Variants in FGF13 observed in about 807,000 individuals in gnomAD.
The protein encoded by FGF13 is fibroblast growth factor homologous factor 2.
In FGF13, 2 loss-of-function variants were observed where a neutral mutation model predicts 19.5. The ratio of observed to expected loss-of-function variants is 0.10; its 90% CI spans 0.04 to 0.32. The LOEUF (loss-of-function observed/expected upper bound fraction) is 0.32. FGF13 is among the 10% of genes least tolerant of loss of function. The pLI is 1.00. For synonymous variants in FGF13, 72 were observed against 76.9 expected, an observed-to-expected ratio of 0.94 and a Z score of 0.33; for missense variants, 113 against 192.7, an observed-to-expected ratio of 0.59 and a Z score of 2.45.
intron 3 of FGF13, among the ~76,000 whole-genome samples, chrX:138,770,293 A>T (rs2090535330): frequency 9.0e-6 from 1 of 111,326 alleles, no homozygotes; most frequent in African/African-American, 3.3e-5. Context: ...CTCTCTGTAA[A>T]GACCCTTTAT....
At chrX:138,698,972 T>C (rs2089921730) in intron 3 of FGF13, among the ~76,000 whole-genome samples, 1 of 111,742 alleles carries the variant, frequency 8.9e-6, no homozygotes, top group African/African-American at 3.3e-5. Context: ...TGGGCTGGAT[T>C]TGACCCACGG....
intron 1 of FGF13, among the ~76,000 whole-genome samples, chrX:138,878,168 C>T (rs1401221342): frequency 9.1e-6 from 1 of 110,052 alleles, no homozygotes; most frequent in Non-Finnish European, 1.9e-5. Context: ...ATTATCATTA[C>T]ACTTTAAGTT....
chrX:138,723,317 A>G (rs1460625652), intron 1 of FGF13, among the ~76,000 whole-genome samples: 1 of 112,011 alleles, frequency 8.9e-6, no homozygotes, highest in Non-Finnish European at 1.9e-5. Context: ...TTCTTTAAGA[A>G]GTGGGAATAC....
At chrX:138,689,396 C>T (rs779425023) in intron 3 of FGF13, among the ~76,000 whole-genome samples, 3 of 21,082 alleles carry the variant, frequency 1.4e-4, no homozygotes, top group Admixed American at 7.4e-4. Flanking sequence ...CCTACACTCA[C>T]GCCCCAAGTG....
chrX:138,768,755 A>ATATATATGATATATATATAT (rs1569388532), intron 3 of FGF13, among the ~76,000 whole-genome samples: 1 of 102,693 alleles, frequency 9.7e-6, no homozygotes, highest in African/African-American at 3.6e-5. Context: ...ATATATATAT[A>ATATATATGATATATATATAT]ATTTCACAAG....
At chrX:138,845,589 G>A (rs1030278469) in intron 3 of FGF13, among the ~76,000 whole-genome samples, 1 of 111,517 alleles carries the variant, frequency 9.0e-6, no homozygotes, top group Non-Finnish European at 1.9e-5. Context: ...GACTGGGAAG[G>A]GAGAGAGACC....
chrX:139,070,575 C>T (rs900417781), intron 1 of FGF13, among the ~76,000 whole-genome samples: 1 of 111,925 alleles, frequency 8.9e-6, no homozygotes, highest in Non-Finnish European at 1.9e-5. Context: ...TGTGGAGATT[C>T]CTCAAGGATC....
At chrX:139,022,663 C>T (rs1387647069) in intron 1 of FGF13, among the ~76,000 whole-genome samples, 1 of 110,905 alleles carries the variant, frequency 9.0e-6, no homozygotes, top group African/African-American at 3.3e-5. Context: ...CTAAGATGTA[C>T]CCACCAAGGA....
At chrX:139,072,796 T>C (rs999761082) in intron 1 of FGF13, among the ~76,000 whole-genome samples, 3 of 112,070 alleles carry the variant, frequency 2.7e-5, no homozygotes, top group African/African-American at 9.7e-5. Context: ...TGTTATCTAT[T>C]TGAATATTGA....
intron 1 of FGF13, among the ~76,000 whole-genome samples, chrX:139,198,604 T>C (rs1238856497): frequency 8.9e-6 from 1 of 112,426 alleles, no homozygotes; most frequent in East Asian, 2.8e-4. Context: ...TTTACAGTAA[T>C]CACAATAAAC....
chrX:138,721,272 T>C lies in FGF13; in HGVS notation c.29-12344A>G, dbSNP rs977362605. On this transcript the variant is annotated intron_variant, in intron 1 of 4. Coordinates refer to the FGF13 transcript ENST00000305414. The stretch of plus-strand genomic sequence containing the variant: ...CTTTAAGGTAACAAATTAAAGATTG[T>C]GTGAAAAGACTGTCCAAGCCAGGTA... Among the ~76,000 whole-genome samples the C allele has an allele frequency of 3.6e-5, 4 of 111,962 alleles. No homozygotes were observed. The Admixed American group carries it at 3.8e-4, about 11-fold the overall frequency.
At chrX:138,952,194 C>A (rs1036643372) in intron 1 of FGF13, among the ~76,000 whole-genome samples, 1 of 111,396 alleles carries the variant, frequency 9.0e-6, no homozygotes, top group Non-Finnish European at 1.9e-5. Context: ...AGGGCTACAG[C>A]AACCAAAACA....
intron 1 of FGF13, among the ~76,000 whole-genome samples, chrX:139,088,605 T>C (rs191426438): frequency 9.2e-6 from 1 of 109,091 alleles, no homozygotes; most frequent in South Asian, 4.0e-4. Flanking sequence ...TATACATAGA[T>C]AGATGTAGAC....
intron 3 of FGF13, among the ~76,000 whole-genome samples, chrX:138,755,792 C>A (rs1008096825): frequency 2.7e-5 from 3 of 112,141 alleles, no homozygotes; most frequent in African/African-American, 6.5e-5. Context: ...AGAATCAGGG[C>A]TCTCTGATAA....
At chrX:139,091,505 TGCATCTG>T (rs1300039899) in intron 1 of FGF13, among the ~76,000 whole-genome samples, 1 of 111,456 alleles carries the variant, frequency 9.0e-6, no homozygotes, top group African/African-American at 3.3e-5. Context: ...GTGACAATCA[TGCATCTG>T]GCACAGGTCC....
intron 1 of FGF13, among the ~76,000 whole-genome samples, chrX:138,885,272 T>C (rs747720421): frequency 5.4e-5 from 6 of 111,274 alleles, no homozygotes; most frequent in Non-Finnish European, 1.1e-4. Context: ...CTCAGGACCA[T>C]GAATGGAACC....
At chrX:138,904,698 C>G (rs1172800592) in intron 1 of FGF13, among the ~76,000 whole-genome samples, 1 of 111,516 alleles carries the variant, frequency 9.0e-6, no homozygotes, top group African/African-American at 3.3e-5. Flanking sequence ...AGGCTGGACA[C>G]TGGTAATTTT....
chrX:139,007,398 C>G (rs2092107116), intron 1 of FGF13, among the ~76,000 whole-genome samples: 2 of 110,646 alleles, frequency 1.8e-5, no homozygotes, highest in African/African-American at 6.6e-5. Context: ...ACAATAATAG[C>G]TGGGAGGCTT....
chrX:139,049,265 A>T (rs1475392582), intron 1 of FGF13, among the ~76,000 whole-genome samples: 4 of 110,775 alleles, frequency 3.6e-5, no homozygotes, highest in Non-Finnish European at 7.6e-5. Flanking sequence ...GGGTACAAAC[A>T]TACAGTTGGG....
Sources: allele counts gnomAD v4.1 joint callset (sites outside exome capture counted in the v4.1 genomes callset), GRCh38; gene constraint gnomAD v4.1.1; transcripts MANE v1.5; gene names NCBI Gene and HGNC (gene_info 2026-07-23, HGNC 2026-07-21).